Variants in PAICS observed in about 807,000 individuals in gnomAD.
PAICS encodes phosphoribosylaminoimidazole carboxylase and phosphoribosylaminoimidazolesuccinocarboxamide synthase, also known as bifunctional phosphoribosylaminoimidazole carboxylase/phosphoribosylaminoimidazole succinocarboxamide synthetase.
A neutral mutation model predicts 53.7 loss-of-function variants in PAICS; 33 were observed. The observed-to-expected ratio is 0.61, with a 90% CI of 0.47 to 0.82. The LOEUF is 0.82. Among genes scored for constraint, PAICS ranks in the 40% least tolerant of loss-of-function variants. The probability of loss-of-function intolerance (pLI) is 0.00; values close to 1 mark genes in which losing one functional copy is unlikely to be tolerated. For missense variants in PAICS, 394 were observed against 494.1 expected (o/e 0.80, Z 1.92); for synonymous variants, 141 against 167.2 (o/e 0.84, Z 1.21).
At chr4:56,435,847 G>A, upstream of PAICS, 40 of 1,493,422 alleles carry the variant, frequency 2.7e-5, no homozygotes, top group Non-Finnish European at 3.4e-5. Context: ...TGGGAGTAAC[G>A]GACTTAACCT....
intron 8 of PAICS, among the ~76,000 whole-genome samples, chr4:56,457,752 C>T (rs909006079): frequency 1.3e-5 from 2 of 150,504 alleles, no homozygotes; most frequent in Admixed American, 1.3e-4. Context: ...CAGGTTCAAG[C>T]GATTCTCCTG....
chr4:56,452,110 C>T (rs1718949089), intron 7 of PAICS, 58 bp downstream of exon 7: 1 of 1,123,042 alleles, frequency 8.9e-7, no homozygotes, highest in Non-Finnish European at 1.3e-6. Context: ...AAAGTAATTA[C>T]ACACTTTAGA....
In PAICS at chr4:56,457,106, G is replaced by A. The variant is rs183371040; in HGVS notation, c.1112-2266G>A. On this transcript the variant is annotated intron_variant, in intron 8 of 8. Transcript: ENST00000512576. ...GCCTGGCGTCCCCTAGTTCAAAGAC[G>A]CCAAGACTGAAGTCTGTTTTACCTT... Among the ~76,000 whole-genome samples, 336 of 152,252 alleles carry A rather than the reference G, an allele frequency of 2.2e-3. 3 individuals are homozygous for A. Among genetic ancestry groups the A allele is most frequent in the African/African-American group, 7.9e-3 (328 of 41,540 alleles).
chr4:56,435,670 C>T (rs540958517), upstream of PAICS: 3 of 1,443,190 alleles, frequency 2.1e-6, no homozygotes, highest in Non-Finnish European at 2.8e-6. Context: ...TGCTCCTCCC[C>T]CTCCGAGTCC....
chr4:56,459,038 A>C lies in PAICS; in HGVS notation c.1112-334A>C, dbSNP rs184303595. Among the ~76,000 whole-genome samples, 17 of 152,314 alleles carry C rather than the reference A, an allele frequency of 1.1e-4. No individual in the cohort carries two copies. In the East Asian group the frequency reaches 3.1e-3, roughly 28 times the overall value. ...CTTACCTTGACCCTTATTTTGCTTCAGTTGTTCTTCGCCAGGGATTGAAAG... is the reference window on the plus strand; with the variant it reads ...CTTACCTTGACCCTTATTTTGCTTCCGTTGTTCTTCGCCAGGGATTGAAAG... On this transcript the variant is annotated intron_variant, in intron 8 of 8. Coordinates refer to ENST00000512576, the MANE Select transcript of PAICS (RefSeq NM_001079524.2).
intron 3 of PAICS, among the ~76,000 whole-genome samples, chr4:56,447,821 G>GA (rs536177155): frequency 2.6e-5 from 4 of 151,060 alleles, no homozygotes; most frequent in African/African-American, 4.8e-5. Context: ...AGCTAACTAG[G>GA]AAAAAAAAGA....
chr4:56,430,265 T>C, the PAICS span, among the ~76,000 whole-genome samples: 6 of 152,212 alleles, frequency 3.9e-5, no homozygotes, highest in African/African-American at 1.4e-4. Context: ...GAAGGCAGGG[T>C]CATAGGGCAT....
At chr4:56,457,174 C>A (rs1231194178) in intron 8 of PAICS, among the ~76,000 whole-genome samples, 1 of 152,194 alleles carries the variant, frequency 6.6e-6, no homozygotes, top group Non-Finnish European at 1.5e-5. Flanking sequence ...TGCCTATAAT[C>A]CCAACACTTT....
At chr4:56,421,578 T>C in the PAICS span, 2 of 152,240 alleles carry the variant, frequency 1.3e-5, no homozygotes, top group African/African-American at 4.8e-5. Context: ...CGGATTTTAT[T>C]ATCTGGCTTA....
chr4:56,419,693 G>T, the PAICS span: 2 of 983,056 alleles, frequency 2.0e-6, no homozygotes, highest in Non-Finnish European at 2.4e-6. Context: ...GAAAGCACTG[G>T]ACTGTGCCAG....
chr4:56,449,010 C>A (rs1395373010), intron 5 of PAICS, among the ~76,000 whole-genome samples, 187 bp downstream of exon 5: 1 of 152,152 alleles, frequency 6.6e-6, no homozygotes, highest in Non-Finnish European at 1.5e-5. Context: ...TAATACTTTA[C>A]ATTTATAAAG....
Position 56,450,715 on chromosome 4 carries a change from T to C in PAICS, c.771+13T>C. 1.6e-6 allele frequency: 2 copies of C among 1,236,332 alleles called. No homozygotes were observed. The highest frequency in any genetic ancestry group is 2.3e-6 in the Non-Finnish European group (2 of 859,292). 76.6% of individuals were successfully genotyped at this position (1,236,332 alleles called of 1,614,324 possible). A position where few individuals can be genotyped will look rare whatever the true frequency, so the allele number is the denominator to read the frequency against. ...AGAGAGAGTAGAGGTAAACCTTCTATAGTAAAACTGTATGTATTATGTGTT... is the reference window on the plus strand; with the variant it reads ...AGAGAGAGTAGAGGTAAACCTTCTACAGTAAAACTGTATGTATTATGTGTT... On this transcript the variant is annotated intron_variant, in intron 6 of 8. Transcript: ENST00000512576.
chr4:56,459,694 G>T lies in PAICS; in HGVS notation c.*156G>T. 1.8e-6 allele frequency: 1 copy of T among 569,814 alleles called. No individual in the cohort carries two copies. The allele number at this position is 569,814 out of a possible 1,614,324, so 35.3% of individuals were successfully genotyped here. On this transcript the variant is annotated 3_prime_UTR_variant, in exon 9 of 9. Coordinates refer to ENST00000512576, the MANE Select transcript of PAICS (RefSeq NM_001079524.2). ...TCTCTAGATCCATATTAATAAACAT[G>T]AGCATCTAACCCCTCCTTTCTTAGG...
At chr4:56,446,339 T>A in intron 2 of PAICS, 1 of 717,716 alleles carries the variant, frequency 1.4e-6, no homozygotes, top group Non-Finnish European at 2.6e-6. Context: ...CTTTTCTGTC[T>A]GAATTTGCCT....
At chr4:56,434,238 G>T (rs1560652957), upstream of PAICS, among the ~76,000 whole-genome samples, 2 of 152,168 alleles carry the variant, frequency 1.3e-5, no homozygotes, top group South Asian at 2.1e-4. Context: ...AACTGAAATT[G>T]AAGTACCTGG....
At chr4:56,410,924 A>AG in the PAICS span, 2 of 901,338 alleles carry the variant, frequency 2.2e-6, no homozygotes, top group Non-Finnish European at 2.6e-6. Flanking sequence ...AAAAAAAAAA[A>AG]AAAAGAAAAG....
At chr4:56,443,209 T>C (rs1195858437) in intron 2 of PAICS, among the ~76,000 whole-genome samples, 1 of 152,204 alleles carries the variant, frequency 6.6e-6, no homozygotes, top group Non-Finnish European at 1.5e-5. Context: ...TAAGTCAGAA[T>C]CTTGCTTTGT....
chr4:56,437,975 C>T (rs1157466442), intron 1 of PAICS, among the ~76,000 whole-genome samples: 7 of 151,924 alleles, frequency 4.6e-5, no homozygotes, highest in East Asian at 3.9e-4. Flanking sequence ...AAAATCTTTG[C>T]TCTTCCACTT....
upstream of PAICS, chr4:56,435,319 A>ACGCCCCCGC (rs746907119): frequency 1.9e-6 from 3 of 1,611,486 alleles, no homozygotes; most frequent in South Asian, 2.2e-5. Context: ...ATGGAGACGC[A>ACGCCCCCGC]CGCCCCCGCC....
Sources: gnomAD v4.1 joint callset for allele counts (sites outside exome capture counted in the v4.1 genomes callset) on GRCh38, gnomAD v4.1.1 for gene constraint, MANE v1.5 for transcripts, NCBI Gene and HGNC (gene_info 2026-07-23, HGNC 2026-07-21) for gene names.